The following GPR158 variants were observed in gnomAD, a reference collection of about 807,000 sequenced individuals.
GPR158 encodes the protein G protein-coupled receptor 158.
GPR158 carries 30 observed loss-of-function variants against 78.2 expected under a neutral mutation model. The ratio of observed to expected loss-of-function variants is 0.38; its 90% CI spans 0.29 to 0.52. The LOEUF is 0.52. GPR158 is among the 20% of genes least tolerant of loss of function. The pLI is 0.83. For synonymous variants in GPR158, 581 were observed against 591.1 expected, an observed-to-expected ratio of 0.98 and a Z score of 0.25; for missense variants, 1,463 against 1,523.5, an observed-to-expected ratio of 0.96 and a Z score of 0.66.
At chr10:25,496,702 C>A (rs1471774836) in intron 5 of GPR158, among the ~76,000 whole-genome samples, 1 of 152,138 alleles carries the variant, frequency 6.6e-6, no homozygotes. Context: ...ACCTTAGAAC[C>A]ACTGTTAACT....
chr10:25,249,153 A>G (rs1287489094), intron 2 of GPR158, among the ~76,000 whole-genome samples: 1 of 152,102 alleles, frequency 6.6e-6, no homozygotes, highest in Non-Finnish European at 1.5e-5. Context: ...ATTTTTGTAC[A>G]TTGATTTTGT....
intron 5 of GPR158, among the ~76,000 whole-genome samples, chr10:25,542,069 A>G (rs921041775): frequency 9.2e-5 from 14 of 151,492 alleles, no homozygotes; most frequent in African/African-American, 2.7e-4. Flanking sequence ...ATCAACAAAA[A>G]TCTTGCCACT....
intron 2 of GPR158, among the ~76,000 whole-genome samples, chr10:25,316,054 G>T (rs1457453354): frequency 6.6e-6 from 1 of 152,028 alleles, no homozygotes; most frequent in African/African-American, 2.4e-5. Flanking sequence ...TGAAAATATT[G>T]TTCCATTGCA....
intron 5 of GPR158, among the ~76,000 whole-genome samples, chr10:25,541,084 C>T (rs1040229671): frequency 9.2e-5 from 14 of 151,366 alleles, no homozygotes; most frequent in African/African-American, 3.4e-4. Context: ...TTTACTTTCC[C>T]ACTAGCTATA....
chr10:25,574,801 C>A (rs748935817), intron 7 of GPR158, among the ~76,000 whole-genome samples: 14 of 152,142 alleles, frequency 9.2e-5, no homozygotes, highest in Non-Finnish European at 1.8e-4. Flanking sequence ...AGAAGAATCG[C>A]TTGAACCCAA....
In GPR158 at chr10:25,598,786, G is replaced by T; in HGVS notation, c.3160G>T (p.Ala1054Ser). 1.2e-6 allele frequency: 2 copies of T among 1,614,024 alleles called. No homozygotes were observed. Among genetic ancestry groups the T allele is most frequent in the Non-Finnish European group, 1.7e-6 (2 of 1,180,008 alleles). ...LKEKSHHKPK[A>S]AEVCQQSNQK... is the part of the protein sequence containing the mutation. The stretch of plus-strand genomic sequence containing the variant: ...GGAGAAATCTCACCACAAGCCTAAG[G>T]CAGCTGAGGTTTGTCAGCAATCCAA... Residue 1054 changes from alanine (A) to serine (S), a missense_variant, in exon 11 of 11, where the codon GCA becomes TCA. By Grantham distance (99) the Ala-to-Ser change is moderately conservative (BLOSUM62 1). Transcript: ENST00000376351.
chr10:25,546,561 CCT>C (rs1836665017), intron 5 of GPR158, among the ~76,000 whole-genome samples: 1 of 152,144 alleles, frequency 6.6e-6, no homozygotes, highest in Non-Finnish European at 1.5e-5. Flanking sequence ...ATGAATTCTC[CCT>C]CTCACCATAT....
At position 25,327,281 on chromosome 10, in the gene GPR158, AAC is replaced by A. The variant is rs997913930; in HGVS notation, c.1009-68618_1009-68617del. The stretch of plus-strand genomic sequence containing the variant: ...ACACACACACACACACAGAAACACA[AAC>A]ACACACACACAGTAACCTGAAGCCT... On this transcript the variant is annotated intron_variant, in intron 2 of 10. Coordinates refer to ENST00000376351, the MANE Select transcript of GPR158 (RefSeq NM_020752.3). 9.3e-5 allele frequency among the ~76,000 whole-genome samples: 14 copies of A among 150,658 alleles called. No homozygotes were observed. The East Asian group carries it at 2.3e-3, about 25-fold the overall frequency.
chr10:25,230,046 T>C (rs192409999), intron 2 of GPR158, among the ~76,000 whole-genome samples: 2 of 152,312 alleles, frequency 1.3e-5, no homozygotes, highest in Admixed American at 6.5e-5. Flanking sequence ...TGCCAGAATG[T>C]TCATCTATTC....
intron 7 of GPR158, among the ~76,000 whole-genome samples, chr10:25,579,479 T>G (rs1291384326): frequency 6.6e-6 from 1 of 152,204 alleles, no homozygotes; most frequent in African/African-American, 2.4e-5. Context: ...AGTGATGTAA[T>G]GGAGTTCATC....
At chr10:25,207,983 C>T (rs1024296879) in intron 1 of GPR158, among the ~76,000 whole-genome samples, 3 of 151,914 alleles carry the variant, frequency 2.0e-5, no homozygotes, top group African/African-American at 7.3e-5. Flanking sequence ...GTATTTTATG[C>T]CTAGTAGTTT....
intron 7 of GPR158, among the ~76,000 whole-genome samples, chr10:25,580,492 G>C (rs1010231847): frequency 6.6e-5 from 10 of 152,036 alleles, no homozygotes; most frequent in African/African-American, 2.4e-4. Context: ...TTCTAAAATA[G>C]CAATTGTTTT....
At chr10:25,498,109 G>T (rs906376408) in intron 5 of GPR158, among the ~76,000 whole-genome samples, 4 of 152,202 alleles carry the variant, frequency 2.6e-5, no homozygotes, top group Non-Finnish European at 5.9e-5. Flanking sequence ...ACGCAGAAAA[G>T]TGCACATATG....
chr10:25,190,321 A>G (rs988457971), intron 1 of GPR158, among the ~76,000 whole-genome samples: 2 of 152,090 alleles, frequency 1.3e-5, no homozygotes, highest in African/African-American at 4.8e-5. Context: ...GTTATATTAC[A>G]TAGACATTGT....
intron 2 of GPR158, among the ~76,000 whole-genome samples, chr10:25,345,386 G>C (rs529312279): frequency 6.6e-6 from 1 of 151,740 alleles, no homozygotes; most frequent in South Asian, 2.1e-4. Context: ...TCGTAAAATC[G>C]GTCAATAAGA....
rs1183476654 is a variant in GPR158 at position 25,541,940 on chromosome 10, A to ATATAATTATATAAATTATATATTATATAT, written c.1405-9025_1405-8997dup. ...TAAATTATATTATATATTATATTTT[A>ATATAATTATATAAATTATATATTATATAT]TATAATTATATAAATTATATATTAT... On this transcript the variant is annotated intron_variant, in intron 5 of 10. Transcript: ENST00000376351. 1.7e-3 allele frequency among the ~76,000 whole-genome samples: 248 copies of ATATAATTATATAAATTATATATTATATAT among 147,400 alleles called. 10 individuals carry two copies. In the South Asian group the frequency reaches 0.045, roughly 27 times the overall value.
At chr10:25,575,010 T>G in intron 7 of GPR158, among the ~76,000 whole-genome samples, 1 of 148,554 alleles carries the variant, frequency 6.7e-6, no homozygotes, top group African/African-American at 2.5e-5. Flanking sequence ...GAGATTGCAG[T>G]GAGCTGAGAT....
At chr10:25,301,895 A>G (rs1195585928) in intron 2 of GPR158, among the ~76,000 whole-genome samples, 1 of 151,876 alleles carries the variant, frequency 6.6e-6, no homozygotes, top group Non-Finnish European at 1.5e-5. Context: ...GTGTCCTCCT[A>G]CCTCCTCTGC....
chr10:25,412,195 A>C (rs2130549136), intron 3 of GPR158, 55 bp from the exon 4 acceptor site: 1 of 1,210,462 alleles, frequency 8.3e-7, no homozygotes, highest in South Asian at 1.2e-5. Flanking sequence ...TCTATACTCA[A>C]TCTTACCTAC....
Sources: allele counts gnomAD v4.1 joint callset (sites outside exome capture counted in the v4.1 genomes callset), GRCh38; gene constraint gnomAD v4.1.1; transcripts MANE v1.5; gene names NCBI Gene and HGNC (gene_info 2026-07-23, HGNC 2026-07-21).